MCM8: variants seen among roughly 807,000 people sequenced by gnomAD.
MCM8 encodes the protein minichromosome maintenance 8 homologous recombination repair factor.
In MCM8, 85 loss-of-function variants were observed where a neutral mutation model predicts 98.9. The ratio of observed to expected loss-of-function variants is 0.86; its 90% CI spans 0.72 to 1.03. The LOEUF is 1.03. Among genes scored for constraint, MCM8 ranks in the 50% least tolerant of loss-of-function variants. The probability of loss-of-function intolerance (pLI) is 0.00; values close to 1 mark genes in which losing one functional copy is unlikely to be tolerated. For missense variants in MCM8, 951 were observed against 997.8 expected, an observed-to-expected ratio of 0.95 and a Z score of 0.63; for synonymous variants, 352 against 338.6, an observed-to-expected ratio of 1.04 and a Z score of -0.44.
chr20:5,960,874 G>A (rs1480288610), intron 7 of MCM8, among the ~76,000 whole-genome samples: 1 of 152,250 alleles, frequency 6.6e-6, no homozygotes, highest in Non-Finnish European at 1.5e-5. Context: ...GGCAGAGGTT[G>A]CAGTGAGCCG....
intron 4 of MCM8, 37 bp downstream of exon 4, chr20:5,954,727 C>A (rs1158166824): frequency 2.5e-6 from 3 of 1,219,190 alleles, no homozygotes; most frequent in Admixed American, 1.7e-5. Flanking sequence ...CAGTCATGTG[C>A]CATCTTACCA....
chr20:5,977,955 C>T lies in MCM8; in HGVS notation c.1475C>T (p.Ser492Leu). Residue 492 changes from serine (S) to leucine (L), a missense_variant, in exon 13 of 19, where the codon TCA (serine) becomes TTA (leucine). Physicochemically the swap from Ser to Leu is moderately radical, Grantham distance 145. Coordinates refer to ENST00000610722, the MANE Select transcript of MCM8 (RefSeq NM_032485.6). ...TTTSGLTVTL[S>L]KDSSSGDFAL... ...ACCTCTGGTCTGACGGTAACTCTTT[C>T]AAAAGATAGTTCCTCTGGAGATTTT... 1.2e-6 allele frequency: 2 copies of T among 1,614,226 alleles called. No homozygotes were observed. The highest frequency in any genetic ancestry group is 1.7e-6 in the Non-Finnish European group (2 of 1,180,044).
chr20:5,975,705 C>T (rs567550318), intron 12 of MCM8, among the ~76,000 whole-genome samples: 1 of 151,354 alleles, frequency 6.6e-6, no homozygotes. Flanking sequence ...ACCATGTTAG[C>T]GAGGAGGGTC....
chr20:5,965,165 A>G (rs780491201), intron 8 of MCM8: 1 of 152,222 alleles, frequency 6.6e-6, no homozygotes, highest in Non-Finnish European at 1.5e-5. Flanking sequence ...TTACATTTTT[A>G]TGTTAATAAA....
At position 5,997,280 on chromosome 20, in the gene MCM8, G is replaced by A. The variant is rs2089971825; in HGVS notation, c.*2889G>A. The A allele has an allele frequency of 6.6e-6, 1 of 151,934 alleles. No individual in the cohort carries two copies. Among genetic ancestry groups the A allele is most frequent in the African/African-American group, 2.4e-5 (1 of 41,108 alleles). 9.4% of individuals were successfully genotyped at this position (151,934 alleles called of 1,614,324 possible). On this transcript the variant is annotated 3_prime_UTR_variant, in exon 19 of 19. Transcript: ENST00000610722. Reference sequence around the variant, plus strand: ...GTTCACCGCAACCTCCGCCTCCTGGGTTCAAGCGTTTCTCCTGCCTCAGCC... The same window carrying A: ...GTTCACCGCAACCTCCGCCTCCTGGATTCAAGCGTTTCTCCTGCCTCAGCC...
chr20:5,962,063 T>C (rs1331315678), intron 7 of MCM8, among the ~76,000 whole-genome samples: 1 of 152,238 alleles, frequency 6.6e-6, no homozygotes, highest in South Asian at 2.1e-4. Context: ...AGTCAGATGG[T>C]GGCTGGAGTA....
intron 17 of MCM8, among the ~76,000 whole-genome samples, chr20:5,989,780 A>T (rs1171197313): frequency 6.6e-6 from 1 of 152,162 alleles, no homozygotes; most frequent in Non-Finnish European, 1.5e-5. Context: ...CTGAAGGTAC[A>T]AGAATCTGCA....
intron 10 of MCM8, among the ~76,000 whole-genome samples, chr20:5,971,291 T>G (rs2089396608): frequency 6.6e-6 from 1 of 152,194 alleles, no homozygotes; most frequent in Non-Finnish European, 1.5e-5. Flanking sequence ...AAGAAACATT[T>G]TACAGCCTGT....
intron 6 of MCM8, 144 bp from the exon 7 acceptor site, chr20:5,958,384 A>G (rs2089043462): frequency 1.5e-6 from 1 of 685,504 alleles, no homozygotes; most frequent in Admixed American, 2.8e-5. Flanking sequence ...ACAAAACACA[A>G]CAAGAATGGT....
intron 12 of MCM8, among the ~76,000 whole-genome samples, chr20:5,976,091 G>A (rs1420830967): frequency 6.6e-6 from 1 of 152,148 alleles, no homozygotes; most frequent in Non-Finnish European, 1.5e-5. Context: ...CAAGGCAGGA[G>A]GACCAAGCTG....
Position 5,978,182 on chromosome 20 carries a change from A to G in MCM8, c.1537+165A>G, listed in dbSNP as rs557184540. Among the ~76,000 whole-genome samples, 287 of 152,366 alleles carry G rather than the reference A, an allele frequency of 1.9e-3. 2 individuals are homozygous for G. The highest frequency in any genetic ancestry group is 6.6e-3 in the African/African-American group (275 of 41,586). ...TAATCATTGGAAATGCAGTATCATCATTTTTATACTACAGAATTGGAACTG... is the reference window on the plus strand; with the variant it reads ...TAATCATTGGAAATGCAGTATCATCGTTTTTATACTACAGAATTGGAACTG... On this transcript the variant is annotated intron_variant, in intron 13 of 18. Coordinates refer to ENST00000610722, the MANE Select transcript of MCM8 (RefSeq NM_032485.6).
chr20:5,974,018 G>A (rs909923926), intron 12 of MCM8, among the ~76,000 whole-genome samples: 2 of 152,178 alleles, frequency 1.3e-5, no homozygotes, highest in African/African-American at 4.8e-5. Context: ...GCCTCTGCCA[G>A]TCAGAGCCTA....
intron 12 of MCM8, among the ~76,000 whole-genome samples, chr20:5,974,401 T>G (rs1484347920): frequency 6.6e-6 from 1 of 152,204 alleles, no homozygotes; most frequent in Non-Finnish European, 1.5e-5. Context: ...GTGCTGGGAT[T>G]AAAGGTGTGA....
intron 15 of MCM8, 104 bp downstream of exon 15, chr20:5,985,104 G>A (rs1404922111): frequency 1.1e-5 from 9 of 845,600 alleles, no homozygotes; most frequent in African/African-American, 3.4e-5. Flanking sequence ...TTTTTTACCA[G>A]AACTTTTTAA....
At position 5,973,088 on chromosome 20, in the gene MCM8, T is replaced by C. The variant is rs773733935; in HGVS notation, c.1287T>C (p.Phe429=). Residue 429 remains phenylalanine, a synonymous_variant, in exon 12 of 19, where the codon TTT becomes TTC. Coordinates refer to ENST00000610722, the MANE Select transcript of MCM8 (RefSeq NM_032485.6). The part of the protein sequence containing the change: ...LVKAGLALAL[F]GGSQKYADDK... Reference sequence around the variant, plus strand: ...AAGCAGGTTTGGCATTAGCACTCTTTGGAGGAAGCCAGAAATACGCAGATG... The same window carrying C: ...AAGCAGGTTTGGCATTAGCACTCTTCGGAGGAAGCCAGAAATACGCAGATG... 7 of 1,614,236 alleles carry C rather than the reference T, an allele frequency of 4.3e-6. No homozygotes were observed. The highest frequency in any genetic ancestry group is 5.9e-6 in the Non-Finnish European group (7 of 1,180,034).
At chr20:5,952,973 T>C (rs112225510) in intron 3 of MCM8, among the ~76,000 whole-genome samples, 1 of 152,202 alleles carries the variant, frequency 6.6e-6, no homozygotes, top group African/African-American at 2.4e-5. Flanking sequence ...ATGCTTGGAC[T>C]TCTGAAGGCT....
At position 5,967,898 on chromosome 20, in the gene MCM8, A is replaced by G. The variant is rs144330688; in HGVS notation, c.1096A>G (p.Lys366Glu). 34 of 1,613,894 alleles carry G rather than the reference A, an allele frequency of 2.1e-5. No individual in the cohort carries two copies. Among genetic ancestry groups the G allele is most frequent in the Admixed American group, 3.3e-5 (2 of 59,994 alleles). ...YIEANSISNS[K>E]GQKTKSSEDG... is the part of the protein sequence containing the mutation. ...TGAAGCAAATTCTATTAGTAATAGCAAAGGACAGAAAACAAAGAGTTCTGA... is the reference window on the plus strand; with the variant it reads ...TGAAGCAAATTCTATTAGTAATAGCGAAGGACAGAAAACAAAGAGTTCTGA... The change falls in exon 10 of 19, where the codon AAA becomes GAA. Residue 366 changes from lysine to glutamate, a missense_variant. Lys to Glu is a moderately conservative substitution (Grantham distance 56). Coordinates refer to ENST00000610722, the MANE Select transcript of MCM8 (RefSeq NM_032485.6).
chr20:5,959,995 G>A (rs1163518620), intron 7 of MCM8, among the ~76,000 whole-genome samples: 2 of 152,076 alleles, frequency 1.3e-5, no homozygotes, highest in African/African-American at 4.8e-5. Context: ...ATTTTTAACT[G>A]TATTAGATGT....
intron 1 of MCM8, 195 bp downstream of exon 1, chr20:5,951,218 G>T (rs2088813373): frequency 6.6e-6 from 1 of 152,166 alleles, no homozygotes; most frequent in Non-Finnish European, 1.5e-5. Context: ...AGCTTGGGAG[G>T]CTGAAAGTTT....
Sources: gnomAD v4.1 joint callset for allele counts (sites outside exome capture counted in the v4.1 genomes callset) on GRCh38, gnomAD v4.1.1 for gene constraint, MANE v1.5 for transcripts, NCBI Gene and HGNC (gene_info 2026-07-23, HGNC 2026-07-21) for gene names.